BRINP3: variants seen among roughly 807,000 people sequenced by gnomAD.
BRINP3 encodes the protein BMP/retinoic acid inducible neural specific 3.
Under a neutral mutation model 71.0 loss-of-function variants are expected in BRINP3, and 19 were observed. That is an observed-to-expected ratio of 0.27 (90% CI 0.19 to 0.39). BRINP3 has a LOEUF of 0.39. Among genes scored for constraint, BRINP3 ranks in the 10% least tolerant of loss-of-function variants. The pLI is 1.00. For synonymous variants in BRINP3, 380 were observed against 337.7 expected, an observed-to-expected ratio of 1.13 and a Z score of -1.37; for missense variants, 959 against 940.8, an observed-to-expected ratio of 1.02 and a Z score of -0.25.
intron 5 of BRINP3, among the ~76,000 whole-genome samples, chr1:190,229,199 A>T (rs1303009190): frequency 1.3e-5 from 2 of 152,014 alleles, no homozygotes; most frequent in African/African-American, 4.8e-5. Flanking sequence ...TCTCACTTTG[A>T]ACTGTAATAA....
intron 2 of BRINP3, among the ~76,000 whole-genome samples, chr1:190,391,327 C>T (rs1222756334): frequency 1.3e-5 from 2 of 151,664 alleles, no homozygotes; most frequent in Admixed American, 1.3e-4. Context: ...ATATGGGTTA[C>T]TCATTTATAA....
chr1:190,310,717 T>G (rs915723015), intron 2 of BRINP3, among the ~76,000 whole-genome samples: 3 of 151,670 alleles, frequency 2.0e-5, no homozygotes, highest in Admixed American at 6.6e-5. Flanking sequence ...TAATTATATA[T>G]TCATAGAACA....
intron 2 of BRINP3, among the ~76,000 whole-genome samples, chr1:190,378,228 C>T (rs1670304348): frequency 6.6e-6 from 1 of 152,136 alleles, no homozygotes; most frequent in Non-Finnish European, 1.5e-5. Context: ...AGAGTCTCAA[C>T]AGAAAGTCTC....
chr1:190,416,009 T>A (rs996181606), intron 2 of BRINP3, among the ~76,000 whole-genome samples: 2 of 152,206 alleles, frequency 1.3e-5, no homozygotes, highest in Admixed American at 6.5e-5. Context: ...CTACTGTGTC[T>A]CAGCCACATT....
At chr1:190,152,491 A>AAAATAT (rs1656483674) in intron 7 of BRINP3, among the ~76,000 whole-genome samples, 1 of 141,734 alleles carries the variant, frequency 7.1e-6, no homozygotes, top group Non-Finnish European at 1.5e-5. Flanking sequence ...TACATGCACA[A>AAAATAT]ATATATATAT....
At chr1:190,114,064 G>C (rs982556849) in intron 7 of BRINP3, among the ~76,000 whole-genome samples, 2 of 152,112 alleles carry the variant, frequency 1.3e-5, no homozygotes, top group African/African-American at 4.8e-5. Flanking sequence ...TCAGTGTTAG[G>C]GTTGGGGCCT....
At position 190,243,240 on chromosome 1, in the gene BRINP3, G is replaced by T. The variant is rs1030756979; in HGVS notation, c.619-8763C>A. 5.3e-5 allele frequency among the ~76,000 whole-genome samples: 8 copies of T among 152,036 alleles called. No homozygotes were observed. The South Asian group carries it at 1.7e-3, about 32-fold the overall frequency. Reference sequence around the variant, plus strand: ...TGCCAAATAACATCAGGACCCCTTTGTGCTTAAACCATGGTTGCCATGGAA... The same window carrying T: ...TGCCAAATAACATCAGGACCCCTTTTTGCTTAAACCATGGTTGCCATGGAA... On this transcript the variant is annotated intron_variant, in intron 4 of 7. Coordinates refer to ENST00000367462, the MANE Select transcript of BRINP3 (RefSeq NM_199051.3).
intron 2 of BRINP3, among the ~76,000 whole-genome samples, chr1:190,351,550 T>C (rs1345288386): frequency 6.6e-6 from 1 of 152,120 alleles, no homozygotes; most frequent in Non-Finnish European, 1.5e-5. Flanking sequence ...CATATCCCAC[T>C]ACAGGGCAGA....
At chr1:190,446,585 A>C (rs1675234125) in intron 2 of BRINP3, among the ~76,000 whole-genome samples, 2 of 152,146 alleles carry the variant, frequency 1.3e-5, no homozygotes, top group African/African-American at 4.8e-5. Flanking sequence ...ATGCCGATAT[A>C]AGAATTAACC....
At chr1:190,469,008 G>C (rs1289016223) in intron 1 of BRINP3, among the ~76,000 whole-genome samples, 1 of 150,696 alleles carries the variant, frequency 6.6e-6, no homozygotes, top group Non-Finnish European at 1.5e-5. Context: ...CTGAAACTTT[G>C]AATAAGTAGA....
At chr1:190,453,827 T>A (rs1381763977) in intron 2 of BRINP3, among the ~76,000 whole-genome samples, 1 of 152,140 alleles carries the variant, frequency 6.6e-6, no homozygotes, top group African/African-American at 2.4e-5. Flanking sequence ...CACACAAAAA[T>A]ACACAACAAA....
chr1:190,132,534 T>G (rs1654628574), intron 7 of BRINP3, among the ~76,000 whole-genome samples: 1 of 152,114 alleles, frequency 6.6e-6, no homozygotes, highest in African/African-American at 2.4e-5. Flanking sequence ...AAACGTTAAA[T>G]ATTCATCCTA....
chr1:190,308,369 T>C (rs1030886409), intron 2 of BRINP3, among the ~76,000 whole-genome samples: 2 of 151,854 alleles, frequency 1.3e-5, no homozygotes, highest in Non-Finnish European at 2.9e-5. Flanking sequence ...ATTGTTGTTC[T>C]TGCGACAGTT....
At chr1:190,104,886 T>C (rs566265209) in intron 7 of BRINP3, among the ~76,000 whole-genome samples, 1 of 152,148 alleles carries the variant, frequency 6.6e-6, no homozygotes, top group Non-Finnish European at 1.5e-5. Flanking sequence ...ATCTGTGCAA[T>C]GTGGATACAA....
chr1:190,124,213 T>G (rs1197242099), intron 7 of BRINP3, among the ~76,000 whole-genome samples: 1 of 152,114 alleles, frequency 6.6e-6, no homozygotes, highest in Non-Finnish European at 1.5e-5. Context: ...GCTTTGAAAA[T>G]AAGTTTGTCC....
chr1:190,205,921 TA>T (rs1488090496), intron 6 of BRINP3, among the ~76,000 whole-genome samples: 1 of 151,710 alleles, frequency 6.6e-6, no homozygotes, highest in Non-Finnish European at 1.5e-5. Flanking sequence ...TATGAGAGTT[TA>T]TTTTTTTTTC....
intron 7 of BRINP3, among the ~76,000 whole-genome samples, chr1:190,158,327 T>G (rs1318589768): frequency 4.6e-5 from 7 of 152,110 alleles, no homozygotes; most frequent in Non-Finnish European, 8.8e-5. Context: ...TGTGGAACTG[T>G]AAGTCCATTA....
intron 1 of BRINP3, among the ~76,000 whole-genome samples, chr1:190,457,383 G>T (rs959449942): frequency 4.6e-5 from 7 of 152,128 alleles, no homozygotes; most frequent in Non-Finnish European, 8.8e-5. Context: ...GACAGGGGTT[G>T]CGGTGAGCTT....
intron 7 of BRINP3, among the ~76,000 whole-genome samples, chr1:190,138,646 G>C (rs959567801): frequency 6.6e-6 from 1 of 152,238 alleles, no homozygotes; most frequent in African/African-American, 2.4e-5. Flanking sequence ...GAAACTTGGG[G>C]ATCAGGGCAA....
Sources: gnomAD v4.1 joint callset for allele counts (sites outside exome capture counted in the v4.1 genomes callset) on GRCh38, gnomAD v4.1.1 for gene constraint, MANE v1.5 for transcripts, NCBI Gene and HGNC (gene_info 2026-07-23, HGNC 2026-07-21) for gene names.